NXPH2: variants seen among roughly 807,000 people sequenced by gnomAD.
NXPH2 encodes neurexophilin 2, also known as neurexophilin-2.
In NXPH2, 5 loss-of-function variants were observed where a neutral mutation model predicts 19.8. The observed-to-expected ratio is 0.25, with a 90% CI of 0.13 to 0.53. NXPH2 has a LOEUF of 0.53. Among genes scored for constraint, NXPH2 ranks in the 20% least tolerant of loss-of-function variants. The pLI, the probability that NXPH2 is intolerant of heterozygous loss-of-function variation, is 0.96. For missense variants in NXPH2, 289 were observed against 322.8 expected, an observed-to-expected ratio of 0.90 and a Z score of 0.80; for synonymous variants, 154 against 127.4, an observed-to-expected ratio of 1.21 and a Z score of -1.41.
At chr2:138,688,408 C>T (rs918807572) in intron 1 of NXPH2, among the ~76,000 whole-genome samples, 5 of 152,138 alleles carry the variant, frequency 3.3e-5, no homozygotes, top group African/African-American at 1.2e-4. Context: ...TCTTGAACTC[C>T]TGAGCTCAAG....
chr2:138,686,805 G>GT (rs918897479), intron 1 of NXPH2, among the ~76,000 whole-genome samples: 157 of 151,732 alleles, frequency 1.0e-3, no homozygotes, highest in African/African-American at 3.6e-3. Context: ...TGCGGTGTTT[G>GT]TTTTTTTTGT....
At chr2:138,748,267 C>T (rs1280715066) in intron 1 of NXPH2, among the ~76,000 whole-genome samples, 1 of 152,166 alleles carries the variant, frequency 6.6e-6, no homozygotes, top group Non-Finnish European at 1.5e-5. Flanking sequence ...GAGACAGTTA[C>T]ATCTATCTCG....
intron 1 of NXPH2, among the ~76,000 whole-genome samples, chr2:138,686,634 G>T (rs1406715195): frequency 6.6e-6 from 1 of 152,094 alleles, no homozygotes; most frequent in African/African-American, 2.4e-5. Context: ...CATGTGCCAT[G>T]TTGGTGTGCT....
intron 1 of NXPH2, among the ~76,000 whole-genome samples, chr2:138,672,429 C>T (rs1680429150): frequency 6.6e-6 from 1 of 152,064 alleles, no homozygotes; most frequent in African/African-American, 2.4e-5. Flanking sequence ...TATTTTGGTT[C>T]AAATCATAGC....
At position 138,669,838 on chromosome 2, in the gene NXPH2, T is replaced by C. The variant is rs1406946743; in HGVS notation, c.*1084A>G. On this transcript the variant is annotated 3_prime_UTR_variant, in exon 2 of 2. Coordinates refer to ENST00000272641, the MANE Select transcript of NXPH2 (RefSeq NM_007226.3). ...CAAAAGTCTGGTAAGCCAGGTATCTTGGTTGTCAGCACTTAATAATTAGAA... is the reference window on the plus strand; with the variant it reads ...CAAAAGTCTGGTAAGCCAGGTATCTCGGTTGTCAGCACTTAATAATTAGAA... Among the ~76,000 whole-genome samples the C allele has an allele frequency of 6.6e-6, 1 of 152,228 alleles. No individual in the cohort carries two copies. Among genetic ancestry groups the C allele is most frequent in the Non-Finnish European group, 1.5e-5 (1 of 68,040 alleles).
chr2:138,761,393 G>A (rs560979499), intron 1 of NXPH2, among the ~76,000 whole-genome samples: 1 of 152,294 alleles, frequency 6.6e-6, no homozygotes, highest in Non-Finnish European at 1.5e-5. Context: ...CCAATAGTCA[G>A]GGGCCAGGAC....
chr2:138,724,888 C>G (rs940684970), intron 1 of NXPH2, among the ~76,000 whole-genome samples: 1 of 152,190 alleles, frequency 6.6e-6, no homozygotes, highest in African/African-American at 2.4e-5. Context: ...ACAATAAATA[C>G]CATTACGCAC....
chr2:138,704,170 G>A (rs1680973829), intron 1 of NXPH2, among the ~76,000 whole-genome samples: 1 of 152,150 alleles, frequency 6.6e-6, no homozygotes, highest in Non-Finnish European at 1.5e-5. Context: ...TGTGCTTTGG[G>A]AGCACCCGAA....
At chr2:138,763,570 C>A (rs1682049171) in intron 1 of NXPH2, among the ~76,000 whole-genome samples, 1 of 152,154 alleles carries the variant, frequency 6.6e-6, no homozygotes, top group South Asian at 2.1e-4. Flanking sequence ...TCTCTGGCTA[C>A]TGAGCATATC....
chr2:138,728,589 T>G (rs1369983484), intron 1 of NXPH2, among the ~76,000 whole-genome samples: 1 of 152,232 alleles, frequency 6.6e-6, no homozygotes, highest in Non-Finnish European at 1.5e-5. Flanking sequence ...GTAGTGGCAT[T>G]CAAAAAGAAG....
Position 138,780,323 on chromosome 2 carries a change from G to T in NXPH2, c.-82C>A. On this transcript the variant is annotated 5_prime_UTR_variant, in exon 1 of 2. Coordinates refer to ENST00000272641, the MANE Select transcript of NXPH2 (RefSeq NM_007226.3). ...TCTCCACTTCGCGGGGCAGGACTGAGGACGCCAGGGACACAGCGCGGCGCT... is the reference window on the plus strand; with the variant it reads ...TCTCCACTTCGCGGGGCAGGACTGATGACGCCAGGGACACAGCGCGGCGCT... 1 of 1,072,978 alleles carries T rather than the reference G, an allele frequency of 9.3e-7. No individual in the cohort carries two copies. The highest frequency in any genetic ancestry group is 2.0e-5 in the South Asian group (1 of 49,534). 66.5% of individuals were successfully genotyped at this position (1,072,978 alleles called of 1,614,324 possible).
At chr2:138,780,130 G>A in intron 1 of NXPH2, 61 bp downstream of exon 1, 4 of 1,442,194 alleles carry the variant, frequency 2.8e-6, no homozygotes, top group Non-Finnish European at 3.6e-6. Flanking sequence ...AGCCGCCTGC[G>A]CGGTTTTCCC....
intron 1 of NXPH2, among the ~76,000 whole-genome samples, chr2:138,732,584 C>G (rs1258140648): frequency 6.6e-6 from 1 of 152,182 alleles, no homozygotes; most frequent in African/African-American, 2.4e-5. Context: ...TGCCTAAAAG[C>G]TCTGCTGTGC....
At position 138,748,771 on chromosome 2, in the gene NXPH2, G is replaced by T. The variant is rs74736163; in HGVS notation, c.51+31420C>A. On this transcript the variant is annotated intron_variant, in intron 1 of 1. Transcript: ENST00000272641. ...TAGAAATCAAAGATGGCACATTATT[G>T]CAAAGCTAATAATAAGATGAATCAG... Among the ~76,000 whole-genome samples, 1,518 of 152,124 alleles carry T rather than the reference G, an allele frequency of 1.0e-2. 29 individuals carry two copies. The highest frequency in any genetic ancestry group is 0.035 in the African/African-American group (1,432 of 41,502).
intron 1 of NXPH2, among the ~76,000 whole-genome samples, chr2:138,701,721 A>G (rs1324965782): frequency 1.3e-5 from 2 of 152,162 alleles, no homozygotes; most frequent in African/African-American, 2.4e-5. Context: ...GGAGATGCAG[A>G]AATGAATAAG....
chr2:138,773,138 T>A (rs1425191859), intron 1 of NXPH2, among the ~76,000 whole-genome samples: 1 of 152,138 alleles, frequency 6.6e-6, no homozygotes, highest in Non-Finnish European at 1.5e-5. Context: ...GAGTTAACAG[T>A]AAAACATCCA....
At chr2:138,732,425 C>T (rs1294381352) in intron 1 of NXPH2, among the ~76,000 whole-genome samples, 4 of 152,136 alleles carry the variant, frequency 2.6e-5, no homozygotes, top group Admixed American at 2.6e-4. Context: ...AGTAGAAACA[C>T]TGATGTGTGA....
Position 138,731,082 on chromosome 2 carries a change from T to C in NXPH2, c.51+49109A>G, listed in dbSNP as rs193168377. Among the ~76,000 whole-genome samples the C allele has an allele frequency of 5.4e-4, 83 of 152,304 alleles. No homozygotes were observed. In the East Asian group the frequency reaches 0.015, roughly 28 times the overall value. ...GTCCCTGTTCCTCTCCTTCAGAGCT[T>C]CCCTAAATATTTATCATTATTTACT... On this transcript the variant is annotated intron_variant, in intron 1 of 1. Coordinates refer to ENST00000272641, the MANE Select transcript of NXPH2 (RefSeq NM_007226.3).
chr2:138,699,603 G>A (rs1680887771), intron 1 of NXPH2, among the ~76,000 whole-genome samples: 1 of 152,086 alleles, frequency 6.6e-6, no homozygotes, highest in Non-Finnish European at 1.5e-5. Context: ...GAAGCAAGTA[G>A]GTTAATGCAG....
Sources: allele counts gnomAD v4.1 joint callset (sites outside exome capture counted in the v4.1 genomes callset), GRCh38; gene constraint gnomAD v4.1.1; transcripts MANE v1.5; gene names NCBI Gene and HGNC (gene_info 2026-07-23, HGNC 2026-07-21).